CEP128: variants seen among roughly 807,000 people sequenced by gnomAD.
The protein encoded by CEP128 is centrosomal protein 128.
Under a neutral mutation model 156.7 loss-of-function variants are expected in CEP128, and 132 were observed. The ratio of observed to expected loss-of-function variants is 0.84; its 90% confidence interval spans 0.73 to 0.97. The LOEUF (loss-of-function observed/expected upper bound fraction) is 0.97, where lower values mean the gene tolerates loss of function less well. Ranked by LOEUF, CEP128 falls within the 50% of genes least tolerant of loss-of-function variation. The pLI is 0.00. For missense variants in CEP128, 1,252 were observed against 1,281.9 expected (o/e 0.98, Z 0.36); for synonymous variants, 469 against 448.9 (o/e 1.04, Z -0.57).
At chr14:80,679,473 C>A (rs940836624) in intron 19 of CEP128, among the ~76,000 whole-genome samples, 1 of 152,068 alleles carries the variant, frequency 6.6e-6, no homozygotes, top group African/African-American at 2.4e-5. Context: ...GAGATAAGGA[C>A]TGAAATACGC....
intron 8 of CEP128, among the ~76,000 whole-genome samples, chr14:80,867,982 T>C (rs1887848630): frequency 3.9e-5 from 6 of 152,010 alleles, no homozygotes. Context: ...ACTCATCACA[T>C]ACAAGGGAAC....
intron 19 of CEP128, among the ~76,000 whole-genome samples, chr14:80,729,032 C>A (rs1898128764): frequency 7.1e-6 from 1 of 141,624 alleles, no homozygotes; most frequent in South Asian, 2.2e-4. Context: ...GCAAGTTCTG[C>A]CCTAGTCCCA....
At chr14:80,953,489 G>T (rs1301785251) in intron 2 of CEP128, among the ~76,000 whole-genome samples, 1 of 152,202 alleles carries the variant, frequency 6.6e-6, no homozygotes, top group Non-Finnish European at 1.5e-5. Flanking sequence ...GGAGGCTGAG[G>T]CAGGAGAATC....
At position 80,496,938 on chromosome 14, in the gene CEP128, G is replaced by A. The variant is rs1170191599; in HGVS notation, c.*541C>T. On this transcript the variant is annotated 3_prime_UTR_variant, in exon 25 of 25. Transcript: ENST00000555265. Reference sequence around the variant, plus strand: ...ACGGTATGCAGTTGTGGACTGTTAAGATGATAGATATAAAAGTCCTGAGCA... The same window carrying A: ...ACGGTATGCAGTTGTGGACTGTTAAAATGATAGATATAAAAGTCCTGAGCA... 6.6e-6 allele frequency: 1 copy of A among 152,360 alleles called. No homozygotes were observed. 9.4% of individuals were successfully genotyped at this position (152,360 alleles called of 1,614,324 possible).
chr14:80,704,553 C>G (rs1462546396), intron 19 of CEP128, among the ~76,000 whole-genome samples: 1 of 151,688 alleles, frequency 6.6e-6, no homozygotes, highest in Non-Finnish European at 1.5e-5. Context: ...TGTATGTTAA[C>G]AAATGGAAAA....
chr14:80,849,043 A>G (rs1184929775), intron 9 of CEP128, among the ~76,000 whole-genome samples: 1 of 152,204 alleles, frequency 6.6e-6, no homozygotes, highest in African/African-American at 2.4e-5. Flanking sequence ...CCCCAGCAAA[A>G]GAGGAGATGT....
intron 19 of CEP128, among the ~76,000 whole-genome samples, chr14:80,713,703 C>A (rs1012991279): frequency 6.6e-6 from 1 of 152,094 alleles, no homozygotes; most frequent in Non-Finnish European, 1.5e-5. Flanking sequence ...TGTTGTGTAT[C>A]CACTTAAAGC....
intron 23 of CEP128, among the ~76,000 whole-genome samples, chr14:80,525,076 T>C (rs1312643570): frequency 2.6e-5 from 4 of 152,204 alleles, no homozygotes; most frequent in African/African-American, 4.8e-5. Flanking sequence ...ATTCACCTGA[T>C]ACCAACTCTA....
At chr14:80,929,381 G>A (rs1358043588) in intron 2 of CEP128, among the ~76,000 whole-genome samples, 1 of 152,132 alleles carries the variant, frequency 6.6e-6, no homozygotes, top group East Asian at 1.9e-4. Flanking sequence ...TCTACCCAAA[G>A]GAAAATAAGT....
intron 16 of CEP128, among the ~76,000 whole-genome samples, chr14:80,766,037 A>G (rs1461167216): frequency 2.0e-5 from 3 of 152,234 alleles, no homozygotes; most frequent in African/African-American, 4.8e-5. Context: ...ATGAAAATAT[A>G]TGACATATTG....
intron 19 of CEP128, among the ~76,000 whole-genome samples, chr14:80,693,824 A>G (rs561739253): frequency 6.6e-6 from 1 of 152,310 alleles, no homozygotes; most frequent in Admixed American, 6.5e-5. Context: ...TTTGGTTGAA[A>G]CTTAGGTTTG....
intron 19 of CEP128, among the ~76,000 whole-genome samples, chr14:80,720,212 C>A (rs1897763238): frequency 6.6e-6 from 1 of 152,058 alleles, no homozygotes. Flanking sequence ...TAAAATGTGT[C>A]AGAACATAAT....
rs190434567 is a variant in CEP128, at chr14:80,703,228, C to T, written c.2806+39847G>A. Among the ~76,000 whole-genome samples, 5 of 152,094 alleles carry T rather than the reference C, an allele frequency of 3.3e-5. No individual in the cohort carries two copies. The East Asian group carries it at 9.7e-4, about 29-fold the overall frequency. On this transcript the variant is annotated intron_variant, in intron 19 of 24. Coordinates refer to ENST00000555265, the MANE Select transcript of CEP128 (RefSeq NM_152446.5). ...TCATTTGTAATGAGGTTGTTAAGAA[C>T]AAATAAGTTATAAAAGGACCCTTCT...
downstream of CEP128, among the ~76,000 whole-genome samples, chr14:80,492,168 T>C (rs553531998): frequency 2.1e-4 from 32 of 152,286 alleles, no homozygotes; most frequent in Non-Finnish European, 4.4e-4. Flanking sequence ...GGACACACAT[T>C]TTGGGAACTG....
intron 6 of CEP128, among the ~76,000 whole-genome samples, chr14:80,900,723 G>C (rs888225910): frequency 6.6e-6 from 1 of 152,150 alleles, no homozygotes; most frequent in South Asian, 2.1e-4. Flanking sequence ...CATTAGTAAA[G>C]CTGAATGTCA....
chr14:80,800,256 T>C (rs1301467563), intron 13 of CEP128, among the ~76,000 whole-genome samples: 1 of 152,182 alleles, frequency 6.6e-6, no homozygotes, highest in Non-Finnish European at 1.5e-5. Flanking sequence ...ATGTCACTTA[T>C]AAAATGGACT....
At position 80,768,477 on chromosome 14, in the gene CEP128, C is replaced by T. The variant is rs974576361; in HGVS notation, c.2377-6864G>A. On this transcript the variant is annotated intron_variant, in intron 16 of 24. Transcript: ENST00000555265. ...AAGATTGGTTTCTAAAACAAAAATGCTACCATTTTGTGGGTTAGATACACT... is the reference window on the plus strand; with the variant it reads ...AAGATTGGTTTCTAAAACAAAAATGTTACCATTTTGTGGGTTAGATACACT... Among the ~76,000 whole-genome samples the T allele has an allele frequency of 3.9e-5, 6 of 152,108 alleles. No homozygotes were observed. In the East Asian group the frequency reaches 1.2e-3, roughly 29 times the overall value.
intron 13 of CEP128, among the ~76,000 whole-genome samples, chr14:80,825,506 A>T (rs1473615141): frequency 6.6e-6 from 1 of 152,240 alleles, no homozygotes; most frequent in Non-Finnish European, 1.5e-5. Flanking sequence ...AAACTGTTTT[A>T]CTGACCACAT....
At chr14:80,815,671 G>A (rs1206619947) in intron 13 of CEP128, among the ~76,000 whole-genome samples, 1 of 152,206 alleles carries the variant, frequency 6.6e-6, no homozygotes, top group Non-Finnish European at 1.5e-5. Context: ...CAGTGTACAT[G>A]TCCATCAATG....
Sources: gnomAD v4.1 joint callset for allele counts (sites outside exome capture counted in the v4.1 genomes callset) on GRCh38, gnomAD v4.1.1 for gene constraint, MANE v1.5 for transcripts, NCBI Gene and HGNC (gene_info 2026-07-23, HGNC 2026-07-21) for gene names.